The following TLL1 variants were observed in gnomAD, a reference collection of about 807,000 sequenced individuals.
TLL1 encodes the protein tolloid-like protein 1.
In TLL1, 49 loss-of-function variants were observed where a neutral mutation model predicts 128.2. The ratio of observed to expected loss-of-function variants is 0.38; its 90% CI spans 0.30 to 0.48. TLL1 has a LOEUF of 0.48. Ranked by LOEUF, TLL1 falls within the 20% of genes least tolerant of loss-of-function variation. The pLI, the probability that TLL1 is intolerant of heterozygous loss-of-function variation, is 0.96. For synonymous variants in TLL1, 454 were observed against 418.8 expected (o/e 1.08, Z -1.03); for missense variants, 1,123 against 1,242.0 (o/e 0.90, Z 1.44).
chr4:165,914,772 G>A (rs1732704742), intron 1 of TLL1, among the ~76,000 whole-genome samples: 1 of 152,138 alleles, frequency 6.6e-6, no homozygotes, highest in Admixed American at 6.5e-5. Flanking sequence ...TAGGCTGGAA[G>A]CAAACCTGTC....
chr4:165,963,054 C>CAAAAAAAAAAAAAAAAAAAAAAAAAAAA (rs869191830), intron 1 of TLL1, among the ~76,000 whole-genome samples: 1 of 18,336 alleles, frequency 5.5e-5, no homozygotes, highest in African/African-American at 1.4e-4. Context: ...GGCTCTGTCT[C>CAAAAAAAAAAAAAAAAAAAAAAAAAAAA]AAAAAAAAAA....
chr4:166,086,262 A>G (rs1037213779), intron 18 of TLL1, among the ~76,000 whole-genome samples: 1 of 152,116 alleles, frequency 6.6e-6, no homozygotes, highest in South Asian at 2.1e-4. Context: ...ATAGATTTTT[A>G]TCGAGACTTA....
chr4:165,874,201 C>A, intron 1 of TLL1, 128 bp downstream of exon 1: 1 of 1,161,440 alleles, frequency 8.6e-7, no homozygotes, highest in Non-Finnish European at 1.3e-6. Context: ...CCCTCCTTCT[C>A]TCCCCCTCCT....
chr4:165,908,115 T>A (rs1732357230), intron 1 of TLL1, among the ~76,000 whole-genome samples: 1 of 152,242 alleles, frequency 6.6e-6, no homozygotes, highest in Non-Finnish European at 1.5e-5. Flanking sequence ...TTCAAATATG[T>A]AATTTGATTT....
At chr4:165,972,682 A>G (rs755791920) in intron 1 of TLL1, among the ~76,000 whole-genome samples, 1 of 152,160 alleles carries the variant, frequency 6.6e-6, no homozygotes, top group Non-Finnish European at 1.5e-5. Flanking sequence ...TGTGACTACA[A>G]CCTTGACAAA....
chr4:165,995,031 C>A (rs746375680), intron 4 of TLL1, 30 bp from the exon 5 acceptor site: 2 of 1,586,380 alleles, frequency 1.3e-6, no homozygotes, highest in Non-Finnish European at 1.7e-6. Context: ...GGGATGCCAC[C>A]TTTTCATTAA....
intron 12 of TLL1, among the ~76,000 whole-genome samples, chr4:166,054,400 T>C (rs983079203): frequency 6.6e-6 from 1 of 152,146 alleles, no homozygotes; most frequent in African/African-American, 2.4e-5. Flanking sequence ...AATGATTTTA[T>C]TGAAAGACTA....
intron 1 of TLL1, among the ~76,000 whole-genome samples, chr4:165,974,313 T>C (rs1461789027): frequency 7.0e-6 from 1 of 142,210 alleles, no homozygotes. Flanking sequence ...GCTAATTTTT[T>C]GTATTTTTCA....
intron 1 of TLL1, among the ~76,000 whole-genome samples, chr4:165,936,804 G>T (rs1254710305): frequency 1.3e-5 from 2 of 151,994 alleles, no homozygotes; most frequent in Non-Finnish European, 2.9e-5. Context: ...ATGGTGGCAG[G>T]CGCCTGTAAT....
intron 1 of TLL1, among the ~76,000 whole-genome samples, chr4:165,926,796 C>T (rs1470776583): frequency 1.4e-4 from 21 of 152,238 alleles, no homozygotes; most frequent in Admixed American, 1.2e-3. Context: ...GCAACTCTGT[C>T]GTTTCATTAA....
chr4:165,963,415 C>A (rs1329895501), intron 1 of TLL1, among the ~76,000 whole-genome samples: 1 of 152,088 alleles, frequency 6.6e-6, no homozygotes, highest in Non-Finnish European at 1.5e-5. Context: ...CTGAAATGAG[C>A]AAATATTTGG....
chr4:165,935,523 A>C (rs1032167677), intron 1 of TLL1, among the ~76,000 whole-genome samples: 1 of 152,256 alleles, frequency 6.6e-6, no homozygotes, highest in African/African-American at 2.4e-5. Flanking sequence ...TTAGCGAATT[A>C]CAAGCTGAAT....
intron 8 of TLL1, among the ~76,000 whole-genome samples, chr4:166,017,408 T>C (rs925599302): frequency 2.0e-5 from 3 of 152,158 alleles, no homozygotes; most frequent in Non-Finnish European, 4.4e-5. Flanking sequence ...TACCAGTGCA[T>C]GTGTCTTTTC....
intron 11 of TLL1, 85 bp from the exon 12 acceptor site, chr4:166,043,189 G>T (rs893931683): frequency 1.3e-6 from 2 of 1,578,312 alleles, no homozygotes; most frequent in Non-Finnish European, 1.7e-6. Context: ...TACAGGAGCT[G>T]AACTTCAATG....
chr4:165,982,111 G>A (rs962860527), intron 1 of TLL1, among the ~76,000 whole-genome samples: 1 of 151,986 alleles, frequency 6.6e-6, no homozygotes, highest in Admixed American at 6.6e-5. Context: ...GACAATAAGA[G>A]AATGGGAAGT....
chr4:165,907,387 T>C (rs1008651261), intron 1 of TLL1, among the ~76,000 whole-genome samples: 1 of 152,154 alleles, frequency 6.6e-6, no homozygotes, highest in Non-Finnish European at 1.5e-5. Flanking sequence ...CAAAAATGTG[T>C]GTATTTTATT....
At chr4:165,970,138 T>G (rs905707459) in intron 1 of TLL1, among the ~76,000 whole-genome samples, 1 of 152,222 alleles carries the variant, frequency 6.6e-6, no homozygotes, top group Non-Finnish European at 1.5e-5. Flanking sequence ...TTAAGTTTGT[T>G]AAGAATGTTT....
At chr4:166,022,971 A>G (rs1021215291) in intron 8 of TLL1, among the ~76,000 whole-genome samples, 1 of 152,312 alleles carries the variant, frequency 6.6e-6, no homozygotes, top group Admixed American at 6.5e-5. Context: ...TATTGCTCAC[A>G]CATTATTACT....
intron 1 of TLL1, among the ~76,000 whole-genome samples, chr4:165,971,989 G>A (rs1007390310): frequency 3.3e-5 from 5 of 151,972 alleles, no homozygotes; most frequent in African/African-American, 1.2e-4. Flanking sequence ...TGTAGCCTAC[G>A]TATAAGTAGA....
Sources: gnomAD v4.1 joint callset for allele counts (sites outside exome capture counted in the v4.1 genomes callset) on GRCh38, gnomAD v4.1.1 for gene constraint, MANE v1.5 for transcripts, NCBI Gene and HGNC (gene_info 2026-07-23, HGNC 2026-07-21) for gene names.